ROBO2: variants seen among roughly 807,000 people sequenced by gnomAD.
The protein encoded by ROBO2 is roundabout guidance receptor 2.
ROBO2 carries 53 observed loss-of-function variants against 160.8 expected under a neutral mutation model. The ratio of observed to expected loss-of-function variants is 0.33; its 90% CI spans 0.26 to 0.41. The LOEUF is 0.41. Among genes scored for constraint, ROBO2 ranks in the 10% least tolerant of loss-of-function variants. The probability of loss-of-function intolerance (pLI) is 1.00; values close to 1 mark genes in which losing one functional copy is unlikely to be tolerated. For missense variants in ROBO2, 1,577 were observed against 1,722.4 expected (o/e 0.92, Z 1.49); for synonymous variants, 664 against 611.7 (o/e 1.09, Z -1.26).
chr3:76,941,606 G>C (rs2078193283), intron 2 of ROBO2, among the ~76,000 whole-genome samples: 2 of 152,146 alleles, frequency 1.3e-5, no homozygotes, highest in Admixed American at 6.5e-5. Context: ...TCATCGGAAG[G>C]CTCCATGTCT....
At chr3:76,510,687 C>A (rs534230214) in intron 2 of ROBO2, among the ~76,000 whole-genome samples, 59 of 152,138 alleles carry the variant, frequency 3.9e-4, no homozygotes, top group Non-Finnish European at 6.2e-4. Context: ...CCTTCCACTG[C>A]ACTCCAGCCT....
chr3:76,139,002 A>C (rs576479855), intron 2 of ROBO2, among the ~76,000 whole-genome samples: 13 of 152,294 alleles, frequency 8.5e-5, no homozygotes, highest in African/African-American at 3.1e-4. Flanking sequence ...TTTGGCAAGA[A>C]ATGAGGCTTG....
intron 2 of ROBO2, among the ~76,000 whole-genome samples, chr3:76,574,867 A>G (rs2085189828): frequency 6.6e-6 from 1 of 152,090 alleles, no homozygotes; most frequent in Admixed American, 6.6e-5. Flanking sequence ...TGGTCCATGG[A>G]CAGTAATTGG....
intron 7 of ROBO2, among the ~76,000 whole-genome samples, chr3:77,547,198 C>T (rs1461419265): frequency 6.6e-6 from 1 of 152,056 alleles, no homozygotes; most frequent in Non-Finnish European, 1.5e-5. Flanking sequence ...ACTGCTTAGC[C>T]TCTAGGTTCG....
intron 2 of ROBO2, among the ~76,000 whole-genome samples, chr3:76,426,949 A>G (rs930516377): frequency 6.6e-6 from 1 of 152,134 alleles, no homozygotes; most frequent in Admixed American, 6.5e-5. Context: ...CAGAAGAGGA[A>G]TTAGACTCCA....
chr3:76,030,384 A>C (rs2107704269), intron 2 of ROBO2, among the ~76,000 whole-genome samples: 1 of 152,092 alleles, frequency 6.6e-6, no homozygotes, highest in African/African-American at 2.4e-5. Flanking sequence ...GATCCCATTC[A>C]TCTATCTTGG....
chr3:77,628,733 A>G (rs1438168887), intron 23 of ROBO2, among the ~76,000 whole-genome samples: 1 of 152,206 alleles, frequency 6.6e-6, no homozygotes, highest in African/African-American at 2.4e-5. Context: ...CAGAGAGACA[A>G]AGAGAAGGAG....
At position 76,717,616 on chromosome 3, in the gene ROBO2, C is replaced by A. The variant is rs78520485; in HGVS notation, c.110-380398C>A. On this transcript the variant is annotated intron_variant, in intron 2 of 26. Transcript: ENST00000487694. ...AGCTGAGTTTGGTGCTTCAGGTAGG[C>A]GATCAAACTGAATATATCAGTTTTA... 2.8e-3 allele frequency among the ~76,000 whole-genome samples: 427 copies of A among 151,954 alleles called. 2 individuals carry two copies. Among genetic ancestry groups the A allele is most frequent in the African/African-American group, 9.6e-3 (398 of 41,426 alleles).
chr3:77,384,509 C>A (rs2073897138), intron 2 of ROBO2, among the ~76,000 whole-genome samples: 1 of 152,250 alleles, frequency 6.6e-6, no homozygotes, highest in South Asian at 2.1e-4. Context: ...ATACCTCTCT[C>A]CAACTTTTAG....
At position 76,964,329 on chromosome 3, in the gene ROBO2, TTTTTG is replaced by T. The variant is rs561269954; in HGVS notation, c.110-133660_110-133656del. Among the ~76,000 whole-genome samples the T allele has an allele frequency of 2.4e-4, 36 of 152,154 alleles. No individual in the cohort carries two copies. In the South Asian group the frequency reaches 3.3e-3, roughly 14 times the overall value. On this transcript the variant is annotated intron_variant, in intron 2 of 26. Transcript: ENST00000487694. ...TCTAGTTCTTAATATACTCCTTTTG[TTTTTG>T]TTTTGTTTTGTTTTGTTTTGTTTTT...
chr3:77,471,264 ATTGATTTAAG>A (rs2153580139), intron 2 of ROBO2, among the ~76,000 whole-genome samples: 1 of 152,332 alleles, frequency 6.6e-6, no homozygotes, highest in African/African-American at 2.4e-5. Context: ...TCTAAGAACT[ATTGATTTAAG>A]ACAAAACAGA....
intron 19 of ROBO2, 42 bp from the exon 21 acceptor site, chr3:77,602,168 G>C: frequency 1.2e-6 from 2 of 1,608,308 alleles, no homozygotes; most frequent in Non-Finnish European, 1.7e-6. Context: ...TTGGGCTTCC[G>C]GTGCCTCATT....
At chr3:77,100,783 A>G (rs555778986) in intron 2 of ROBO2, among the ~76,000 whole-genome samples, 1 of 152,352 alleles carries the variant, frequency 6.6e-6, no homozygotes, top group East Asian at 1.9e-4. Flanking sequence ...TTATAAAGAC[A>G]TGTAAAAATA....
At chr3:76,188,963 A>G (rs1330481824) in intron 2 of ROBO2, among the ~76,000 whole-genome samples, 2 of 152,144 alleles carry the variant, frequency 1.3e-5, no homozygotes, top group East Asian at 3.9e-4. Flanking sequence ...ATCATAAGCA[A>G]AAAAAGGTTA....
chr3:76,486,108 A>G (rs1249336626), intron 2 of ROBO2, among the ~76,000 whole-genome samples: 4 of 152,194 alleles, frequency 2.6e-5, no homozygotes, highest in Non-Finnish European at 4.4e-5. Flanking sequence ...TGTTATCATC[A>G]GGGGCTGCAA....
At chr3:77,366,430 G>C (rs1014984075) in intron 2 of ROBO2, among the ~76,000 whole-genome samples, 2 of 151,990 alleles carry the variant, frequency 1.3e-5, no homozygotes, top group African/African-American at 4.8e-5. Flanking sequence ...GCCATATGAG[G>C]ACTCTGAGAA....
chr3:76,765,779 G>C (rs2061547052), intron 2 of ROBO2, among the ~76,000 whole-genome samples: 2 of 151,646 alleles, frequency 1.3e-5, no homozygotes, highest in Admixed American at 1.3e-4. Flanking sequence ...CTGATTACTA[G>C]TGTGTGAGAC....
intron 2 of ROBO2, among the ~76,000 whole-genome samples, chr3:76,230,700 T>C (rs1378617423): frequency 5.1e-5 from 1 of 19,660 alleles, no homozygotes; most frequent in Non-Finnish European, 1.8e-4. Context: ...GCCCCAACCC[T>C]CTCCTTCTCA....
chr3:77,207,044 T>C (rs898397528), intron 2 of ROBO2, among the ~76,000 whole-genome samples: 3 of 152,186 alleles, frequency 2.0e-5, no homozygotes, highest in African/African-American at 7.2e-5. Context: ...ACCTATAAAC[T>C]ACAAATAAAG....
Sources: gnomAD v4.1 joint callset for allele counts (sites outside exome capture counted in the v4.1 genomes callset) on GRCh38, gnomAD v4.1.1 for gene constraint, MANE v1.5 for transcripts, NCBI Gene and HGNC (gene_info 2026-07-23, HGNC 2026-07-21) for gene names.